Variants in KCNIP4 observed in about 807,000 individuals in gnomAD.
KCNIP4 encodes the protein Kv channel-interacting protein 4.
KCNIP4 carries 12 observed loss-of-function variants against 34.0 expected under a neutral mutation model. The observed-to-expected ratio is 0.35, with a 90% CI of 0.23 to 0.57. KCNIP4 has a LOEUF of 0.57. KCNIP4 is among the 20% of genes least tolerant of loss of function. The pLI is 0.83. For synonymous variants in KCNIP4, 124 were observed against 102.2 expected (o/e 1.21, Z -1.29); for missense variants, 238 against 311.7 (o/e 0.76, Z 1.78).
At chr4:20,744,938 G>T (rs954104077) in intron 5 of KCNIP4, among the ~76,000 whole-genome samples, 6 of 152,100 alleles carry the variant, frequency 3.9e-5, no homozygotes, top group South Asian at 4.1e-4. Context: ...TGACCTGGGC[G>T]AAGTCAGGAA....
chr4:21,724,721 A>G (rs1027758605), intron 1 of KCNIP4, among the ~76,000 whole-genome samples: 5 of 152,112 alleles, frequency 3.3e-5, no homozygotes, highest in Non-Finnish European at 5.9e-5. Context: ...CACTTTACAC[A>G]TAACTTTTCA....
chr4:21,032,588 A>G (rs1258893026), intron 1 of KCNIP4, among the ~76,000 whole-genome samples: 2 of 152,114 alleles, frequency 1.3e-5, no homozygotes, highest in East Asian at 3.9e-4. Flanking sequence ...GAGAGCCCAG[A>G]AAGTCCTAGA....
chr4:21,915,613 AG>A (rs1382344304), intron 1 of KCNIP4, among the ~76,000 whole-genome samples: 10 of 152,082 alleles, frequency 6.6e-5, no homozygotes, highest in Non-Finnish European at 1.2e-4. Context: ...CTTTTTGGAG[AG>A]AGGTATAAAC....
At chr4:21,848,169 C>A (rs543273700) in intron 1 of KCNIP4, 1 of 152,110 alleles carries the variant, frequency 6.6e-6, no homozygotes, top group Non-Finnish European at 1.5e-5. Context: ...TGAATTAATT[C>A]TCTGTGCTTC....
chr4:21,246,033 T>A (rs1197853327), intron 1 of KCNIP4, among the ~76,000 whole-genome samples: 1 of 151,778 alleles, frequency 6.6e-6, no homozygotes, highest in Non-Finnish European at 1.5e-5. Flanking sequence ...AAAAGGAGGA[T>A]TTTTTTTAAC....
At chr4:21,810,722 A>T (rs968739602) in intron 1 of KCNIP4, among the ~76,000 whole-genome samples, 2 of 148,578 alleles carry the variant, frequency 1.3e-5, no homozygotes, top group Non-Finnish European at 3.0e-5. Flanking sequence ...AAAATCAGAG[A>T]GAATTTTTCC....
intron 1 of KCNIP4, among the ~76,000 whole-genome samples, chr4:21,416,692 A>T (rs1203335210): frequency 6.6e-6 from 1 of 152,220 alleles, no homozygotes; most frequent in Non-Finnish European, 1.5e-5. Context: ...CATATTTCTT[A>T]AGAGAACTGA....
intron 1 of KCNIP4, among the ~76,000 whole-genome samples, chr4:21,475,801 A>C (rs146380625): frequency 6.6e-6 from 1 of 152,310 alleles, no homozygotes; most frequent in Non-Finnish European, 1.5e-5. Context: ...ACATATAAAA[A>C]TATGTTCATA....
intron 1 of KCNIP4, among the ~76,000 whole-genome samples, chr4:21,134,812 TAGAA>T (rs1751376580): frequency 6.6e-6 from 1 of 152,220 alleles, no homozygotes; most frequent in Non-Finnish European, 1.5e-5. Context: ...TCTTTTACCT[TAGAA>T]AGCCATATTG....
At chr4:20,777,135 C>A (rs1756442432) in intron 3 of KCNIP4, among the ~76,000 whole-genome samples, 1 of 152,176 alleles carries the variant, frequency 6.6e-6, no homozygotes, top group Admixed American at 6.5e-5. Flanking sequence ...TTAATTGACT[C>A]ATAGTTCCAC....
At chr4:20,734,516 A>AT (rs1749113734) in intron 6 of KCNIP4, 112 bp downstream of exon 6, 3 of 544,940 alleles carry the variant, frequency 5.5e-6, no homozygotes, top group Non-Finnish European at 9.6e-6. Context: ...TACATAAAAT[A>AT]TTTTGGAATT....
In KCNIP4 at chr4:21,714,785, G is replaced by GATTTATTTCATTTTATATTTT. The variant is rs1560655293; in HGVS notation, c.61+233785_61+233786insAAAATATAAAATGAAATAAAT. Among the ~76,000 whole-genome samples the GATTTATTTCATTTTATATTTT allele has an allele frequency of 4.6e-5, 2 of 43,388 alleles. 1 individual carries two copies. Among genetic ancestry groups the GATTTATTTCATTTTATATTTT allele is most frequent in the African/African-American group, 4.0e-4 (2 of 5,002 alleles). 28.5% of individuals were successfully genotyped at this position (43,388 alleles called of 152,430 possible). A position where few individuals can be genotyped will look rare whatever the true frequency, so the allele number is the denominator to read the frequency against. ...AAGAATGTGTTAGTAATTTCCCTTT[G>GATTTATTTCATTTTATATTTT]ATTATTTTATTTTATTTTATTTTAT... On this transcript the variant is annotated intron_variant, in intron 1 of 8. Coordinates refer to ENST00000382152, the MANE Select transcript of KCNIP4 (RefSeq NM_025221.6).
intron 1 of KCNIP4, among the ~76,000 whole-genome samples, chr4:21,574,498 C>T (rs1327307918): frequency 2.6e-5 from 4 of 152,004 alleles, no homozygotes; most frequent in African/African-American, 4.8e-5. Flanking sequence ...TTTGAAGAAA[C>T]GGAGTCCTTA....
intron 1 of KCNIP4, among the ~76,000 whole-genome samples, chr4:21,099,265 A>AC (rs1747727582): frequency 1.3e-5 from 2 of 152,174 alleles, no homozygotes; most frequent in African/African-American, 4.8e-5. Flanking sequence ...TGGTACATAT[A>AC]AACCATGGAA....
intron 1 of KCNIP4, among the ~76,000 whole-genome samples, chr4:21,476,996 T>C (rs1731035877): frequency 6.6e-6 from 1 of 152,178 alleles, no homozygotes; most frequent in African/African-American, 2.4e-5. Context: ...ATATGGTCCC[T>C]GACCTTAAGG....
At chr4:21,480,529 C>T (rs1731332649) in intron 1 of KCNIP4, among the ~76,000 whole-genome samples, 3 of 152,138 alleles carry the variant, frequency 2.0e-5, no homozygotes. Flanking sequence ...CAAGAATACT[C>T]ACTTGCATCA....
Position 21,210,775 on chromosome 4 carries a change from T to C in KCNIP4, c.62-328066A>G, listed in dbSNP as rs149466675. On this transcript the variant is annotated intron_variant, in intron 1 of 8. Transcript: ENST00000382152. ...CCTATTTTCTCAAATAATTTCTTAA[T>C]GTTTAATGAATAATTAAACTGAATT... Among the ~76,000 whole-genome samples, 412 of 152,312 alleles carry C rather than the reference T, an allele frequency of 2.7e-3. 1 individual carries two copies. Among genetic ancestry groups the C allele is most frequent in the African/African-American group, 7.4e-3 (307 of 41,576 alleles).
chr4:21,086,632 G>A (rs1003087948), intron 1 of KCNIP4, among the ~76,000 whole-genome samples: 3 of 152,092 alleles, frequency 2.0e-5, no homozygotes, highest in African/African-American at 7.2e-5. Flanking sequence ...AGATGTGTTT[G>A]TACCATTCTT....
intron 1 of KCNIP4, among the ~76,000 whole-genome samples, chr4:21,525,335 A>T (rs575527838): frequency 2.0e-5 from 3 of 152,134 alleles, no homozygotes; most frequent in Non-Finnish European, 4.4e-5. Flanking sequence ...TTAGTTGGAC[A>T]ATTTGTAGGT....
Sources: allele counts gnomAD v4.1 joint callset (sites outside exome capture counted in the v4.1 genomes callset), GRCh38; gene constraint gnomAD v4.1.1; transcripts MANE v1.5; gene names NCBI Gene and HGNC (gene_info 2026-07-23, HGNC 2026-07-21).